Variants in NPAS3 observed in about 807,000 individuals in gnomAD.
NPAS3 encodes neuronal PAS domain-containing protein 3.
NPAS3 carries 14 observed loss-of-function variants against 73.1 expected under a neutral mutation model. The observed-to-expected ratio is 0.19, with a 90% CI of 0.13 to 0.30. NPAS3 has a LOEUF of 0.30. Ranked by LOEUF, NPAS3 falls within the 10% of genes least tolerant of loss-of-function variation. The probability of loss-of-function intolerance (pLI) is 1.00; values close to 1 mark genes in which losing one functional copy is unlikely to be tolerated. For synonymous variants in NPAS3, 620 were observed against 541.5 expected, an observed-to-expected ratio of 1.14 and a Z score of -2.01; for missense variants, 1,096 against 1,250.0, an observed-to-expected ratio of 0.88 and a Z score of 1.86.
intron 2 of NPAS3, among the ~76,000 whole-genome samples, chr14:33,124,106 G>A (rs148638873): frequency 2.5e-4 from 38 of 151,890 alleles, no homozygotes; most frequent in South Asian, 6.3e-4. Flanking sequence ...CATCTGCCTC[G>A]GCCTACCAAA....
At chr14:33,421,322 A>G (rs988398691) in intron 4 of NPAS3, among the ~76,000 whole-genome samples, 3 of 151,946 alleles carry the variant, frequency 2.0e-5, no homozygotes, top group Non-Finnish European at 4.4e-5. Context: ...CATCACATTC[A>G]TAGAATATCC....
In NPAS3 at chr14:33,240,446, G is replaced by A. The variant is rs79119538; in HGVS notation, c.385+25020G>A. On this transcript the variant is annotated intron_variant, in intron 3 of 11. Transcript: ENST00000356141. ...GTATTAAATAATAATTGGACTCTTTGTCTAATTTCATTACATGAAATAAAG... is the reference window on the plus strand; with the variant it reads ...GTATTAAATAATAATTGGACTCTTTATCTAATTTCATTACATGAAATAAAG... 3.7e-3 allele frequency among the ~76,000 whole-genome samples: 554 copies of A among 151,340 alleles called. 20 individuals carry two copies. The East Asian group carries it at 0.094, about 26-fold the overall frequency.
chr14:33,341,264 C>T (rs982480123), intron 3 of NPAS3, among the ~76,000 whole-genome samples: 2 of 152,146 alleles, frequency 1.3e-5, no homozygotes, highest in Non-Finnish European at 2.9e-5. Context: ...GTGGTACCTG[C>T]TGAGTTTTGG....
At chr14:33,532,345 A>G (rs2054083361) in intron 4 of NPAS3, among the ~76,000 whole-genome samples, 1 of 152,090 alleles carries the variant, frequency 6.6e-6, no homozygotes, top group African/African-American at 2.4e-5. Context: ...TGTAGCCAAC[A>G]TTTACTATTA....
intron 2 of NPAS3, among the ~76,000 whole-genome samples, chr14:33,058,839 G>T (rs1251136058): frequency 6.6e-6 from 1 of 152,172 alleles, no homozygotes; most frequent in Non-Finnish European, 1.5e-5. Flanking sequence ...ATAGAGTTGA[G>T]TAGGTAAATG....
intron 3 of NPAS3, among the ~76,000 whole-genome samples, chr14:33,228,645 T>G (rs924687227): frequency 6.6e-6 from 1 of 152,122 alleles, no homozygotes; most frequent in African/African-American, 2.4e-5. Context: ...ATTGCAAGAC[T>G]CTGTACTAGG....
chr14:33,665,645 A>C (rs372298727), intron 5 of NPAS3, among the ~76,000 whole-genome samples: 1 of 152,222 alleles, frequency 6.6e-6, no homozygotes, highest in South Asian at 2.1e-4. Context: ...TGCATTTACT[A>C]TGTAGCCACA....
chr14:33,735,404 G>C (rs1348072597), intron 7 of NPAS3, 72 bp downstream of exon 7: 1 of 1,021,840 alleles, frequency 9.8e-7, no homozygotes, highest in Non-Finnish European at 1.6e-6. Context: ...GAATTTTCCA[G>C]CTGCTTTAGG....
intron 6 of NPAS3, among the ~76,000 whole-genome samples, chr14:33,692,837 A>T (rs906677366): frequency 2.1e-3 from 7 of 3,274 alleles, no homozygotes; most frequent in Non-Finnish European, 3.4e-3. Context: ...CCAATGTCTT[A>T]AAAAAAAAAA....
chr14:33,735,247 A>G, exon 7 of NPAS3: 1 of 1,613,642 alleles, frequency 6.2e-7, no homozygotes, highest in African/African-American at 1.3e-5. Context: ...CTAACCACTG[A>G]CAACACTCTT....
At chr14:33,268,003 A>C (rs2040892578) in intron 3 of NPAS3, among the ~76,000 whole-genome samples, 1 of 152,212 alleles carries the variant, frequency 6.6e-6, no homozygotes, top group Non-Finnish European at 1.5e-5. Context: ...GGATGACATA[A>C]AAATTAAAAA....
At chr14:33,084,229 TC>T (rs2041950385) in intron 2 of NPAS3, among the ~76,000 whole-genome samples, 1 of 152,194 alleles carries the variant, frequency 6.6e-6, no homozygotes. Context: ...TTAAGGCTAG[TC>T]CCTAATCACT....
intron 3 of NPAS3, among the ~76,000 whole-genome samples, chr14:33,284,199 A>G (rs2041762076): frequency 6.6e-6 from 1 of 152,184 alleles, no homozygotes; most frequent in African/African-American, 2.4e-5. Flanking sequence ...AGAGGAAGAA[A>G]CTACAATATT....
chr14:33,435,466 G>A (rs1218640358), intron 4 of NPAS3, among the ~76,000 whole-genome samples: 4 of 152,084 alleles, frequency 2.6e-5, no homozygotes, highest in Non-Finnish European at 5.9e-5. Context: ...TCCTATCTTT[G>A]ATATTTCTCT....
intron 4 of NPAS3, among the ~76,000 whole-genome samples, chr14:33,508,246 TG>T (rs1397525394): frequency 6.6e-6 from 1 of 152,082 alleles, no homozygotes; most frequent in African/African-American, 2.4e-5. Flanking sequence ...GCACACACAC[TG>T]CTTGCTGTTT....
chr14:33,623,086 C>A (rs1219195865), intron 5 of NPAS3, among the ~76,000 whole-genome samples: 3 of 152,134 alleles, frequency 2.0e-5, no homozygotes, highest in Non-Finnish European at 4.4e-5. Flanking sequence ...ACAACGAGTC[C>A]ATGGCCAAAC....
intron 5 of NPAS3, among the ~76,000 whole-genome samples, chr14:33,671,939 T>C (rs76868327): frequency 0.02 from 2,986 of 152,338 alleles, 97 homozygotes; most frequent in African/African-American, 0.067. Context: ...TACTTTTCCA[T>C]TAGATCATAA....
chr14:33,055,948 A>C, exon 2 of NPAS3: 1 of 810,426 alleles, frequency 1.2e-6, no homozygotes, highest in Non-Finnish European at 2.1e-6. Context: ...AGAATGTAGG[A>C]AAATCTACAG....
chr14:33,236,293 C>G (rs993180284), intron 3 of NPAS3, among the ~76,000 whole-genome samples: 1 of 152,078 alleles, frequency 6.6e-6, no homozygotes, highest in Non-Finnish European at 1.5e-5. Flanking sequence ...AAGCTCTGGC[C>G]TGCTCCTGTG....
Sources: allele counts gnomAD v4.1 joint callset (sites outside exome capture counted in the v4.1 genomes callset), GRCh38; gene constraint gnomAD v4.1.1; transcripts MANE v1.5; gene names NCBI Gene and HGNC (gene_info 2026-07-23, HGNC 2026-07-21).